The following MAGEA11 variants were observed in gnomAD, a reference collection of about 807,000 sequenced individuals.
MAGEA11 encodes melanoma-associated antigen 11.
MAGEA11 carries 1 observed loss-of-function variant against 8.4 expected under a neutral mutation model. The observed-to-expected ratio is 0.12, with a 90% CI of 0.04 to 0.57. The LOEUF (loss-of-function observed/expected upper bound fraction) is 0.57. Ranked by LOEUF, MAGEA11 falls within the 20% of genes least tolerant of loss-of-function variation. The pLI is 0.91. For missense variants in MAGEA11, 209 were observed against 317.3 expected (o/e 0.66, Z 2.59); for synonymous variants, 127 against 119.3 (o/e 1.06, Z -0.42).
At chrX:149,695,976 C>G (rs1348518922) in intron 1 of MAGEA11, among the ~76,000 whole-genome samples, 1 of 111,169 alleles carries the variant, frequency 9.0e-6, no homozygotes, top group Non-Finnish European at 1.9e-5. Context: ...GAGGCAGAGG[C>G]ACAAAGAAGA....
chrX:149,710,407 A>G (rs1007422230), upstream of MAGEA11, among the ~76,000 whole-genome samples: 1 of 111,902 alleles, frequency 8.9e-6, no homozygotes, highest in Non-Finnish European at 1.9e-5. Flanking sequence ...ACCAGCCAAG[A>G]TGACTGTCAA....
At chrX:149,694,736 A>G (rs1479560747) in intron 1 of MAGEA11, among the ~76,000 whole-genome samples, 5 of 99,731 alleles carry the variant, frequency 5.0e-5, no homozygotes, top group African/African-American at 1.9e-4. Context: ...TTTTAATTTT[A>G]TTTCGACAAA....
chrX:149,706,849 G>C (rs1213141235), intron 1 of MAGEA11, among the ~76,000 whole-genome samples: 1 of 112,109 alleles, frequency 8.9e-6, no homozygotes, highest in Non-Finnish European at 1.9e-5. Flanking sequence ...TAGGCTGTTA[G>C]ATTCCACCTT....
rs1557362406 is a variant in MAGEA11, at chrX:149,715,814, A to G, written c.328A>G (p.Ile110Val). The change falls in exon 5 of 5, where the codon ATC becomes GTC. Residue 110 changes from isoleucine (I) to valine (V), a missense_variant. This residue lies in a region of MAGEA11 where 131 missense variants were observed against 138.5 expected (regional missense o/e 0.95). Coordinates refer to ENST00000355220, the MANE Select transcript of MAGEA11 (RefSeq NM_005366.5). ...TVRPADLTRV[I>V]MPLEQRSQHC... ...TCGGCCTGCTGACCTAACCAGAGTCATCATGCCTCTTGAGCAAAGAAGTCA... is the reference window on the plus strand; with the variant it reads ...TCGGCCTGCTGACCTAACCAGAGTCGTCATGCCTCTTGAGCAAAGAAGTCA... The G allele has an allele frequency of 2.5e-6, 3 of 1,209,167 alleles. No homozygotes were observed. The highest frequency in any genetic ancestry group is 1.7e-5 in the African/African-American group (1 of 57,679).
At chrX:149,714,263 G>T in intron 2 of MAGEA11, 1 of 490,486 alleles carries the variant, frequency 2.0e-6, no homozygotes. Context: ...AAACCTTCAG[G>T]GAGATGAGGT....
upstream of MAGEA11, among the ~76,000 whole-genome samples, chrX:149,710,308 A>G (rs182747187): frequency 4.4e-5 from 5 of 112,589 alleles, no homozygotes; most frequent in East Asian, 8.3e-4. Flanking sequence ...CCAAATAAAC[A>G]AGGCAGTATA....
intron 1 of MAGEA11, among the ~76,000 whole-genome samples, chrX:149,691,741 G>T (rs2090311377): frequency 8.9e-6 from 1 of 111,980 alleles, no homozygotes; most frequent in Non-Finnish European, 1.9e-5. Flanking sequence ...ATTTTGTTCT[G>T]CAAATTTTAG....
intron 1 of MAGEA11, among the ~76,000 whole-genome samples, chrX:149,702,793 T>A (rs781858006): frequency 1.3e-4 from 15 of 111,934 alleles, no homozygotes; most frequent in African/African-American, 4.9e-4. Context: ...AAATATATGT[T>A]TTTCTAGTCT....
chrX:149,689,696 A>C (rs2124273972), intron 1 of MAGEA11, among the ~76,000 whole-genome samples: 1 of 112,407 alleles, frequency 8.9e-6, no homozygotes, highest in South Asian at 3.7e-4. Context: ...GCACAGGCAC[A>C]TATCTATGTG....
chrX:149,690,462 G>T (rs782797644), intron 1 of MAGEA11, among the ~76,000 whole-genome samples: 1 of 112,016 alleles, frequency 8.9e-6, no homozygotes, highest in East Asian at 2.8e-4. Context: ...TGTGCAATGA[G>T]GAAAACAGTC....
chrX:149,706,527 T>C (rs996485354), intron 1 of MAGEA11, among the ~76,000 whole-genome samples: 1 of 112,808 alleles, frequency 8.9e-6, no homozygotes, highest in African/African-American at 3.2e-5. Flanking sequence ...TCACACAGCA[T>C]TCTTTTATTA....
At chrX:149,690,002 G>C (rs1182151649) in intron 1 of MAGEA11, among the ~76,000 whole-genome samples, 1 of 112,215 alleles carries the variant, frequency 8.9e-6, no homozygotes, top group African/African-American at 3.2e-5. Context: ...CCCAATCTCT[G>C]TCTCTAACCT....
At chrX:149,691,270 T>C (rs1045640354) in intron 1 of MAGEA11, among the ~76,000 whole-genome samples, 3 of 111,431 alleles carry the variant, frequency 2.7e-5, no homozygotes, top group African/African-American at 9.8e-5. Flanking sequence ...CCCCTCTGCT[T>C]TGTGGTTCTC....
At chrX:149,699,195 A>C (rs782815978) in intron 1 of MAGEA11, among the ~76,000 whole-genome samples, 10 of 112,044 alleles carry the variant, frequency 8.9e-5, no homozygotes, top group Non-Finnish European at 1.9e-4. Flanking sequence ...ATAATATATT[A>C]TTTCGCATGT....
chrX:149,693,120 T>C (rs181919836), intron 1 of MAGEA11, among the ~76,000 whole-genome samples: 1 of 112,744 alleles, frequency 8.9e-6, no homozygotes, highest in East Asian at 2.8e-4. Context: ...TTAGGTCATT[T>C]CTGAGTCCAG....
At chrX:149,706,969 T>C (rs782561956) in intron 1 of MAGEA11, among the ~76,000 whole-genome samples, 147 of 112,788 alleles carry the variant, frequency 1.3e-3, no homozygotes, top group Non-Finnish European at 2.0e-3. Flanking sequence ...CAGATAGCCC[T>C]GGGTGGCTAG....
chrX:149,711,401 T>G (rs2090399426), upstream of MAGEA11, among the ~76,000 whole-genome samples: 1 of 111,911 alleles, frequency 8.9e-6, no homozygotes, highest in Non-Finnish European at 1.9e-5. Flanking sequence ...AGGGCAAAAG[T>G]TTGCAAAGTC....
In MAGEA11 at chrX:149,694,817, G is replaced by A. The variant is rs376689581; in HGVS notation, c.9+5833G>A. Among the ~76,000 whole-genome samples the A allele has an allele frequency of 3.0e-4, 33 of 110,335 alleles. No homozygotes were observed. In the East Asian group the frequency reaches 3.1e-3, roughly 10 times the overall value. ...GCTCATTGGAACCTCTGCCTCCCAG[G>A]TTCAAGTGATTCTCCTGCCTCAGCC... On this transcript the variant is annotated intron_variant, in intron 1 of 3. Transcript: ENST00000333104.
chrX:149,692,023 T>C (rs1557360176), intron 1 of MAGEA11, among the ~76,000 whole-genome samples: 1 of 112,432 alleles, frequency 8.9e-6, no homozygotes, highest in East Asian at 2.8e-4. Flanking sequence ...CCACAAGTGG[T>C]CCAGGGCTTC....
Sources: gnomAD v4.1 joint callset for allele counts (sites outside exome capture counted in the v4.1 genomes callset) on GRCh38, gnomAD v4.1.1 for gene constraint, gnomAD v4.1.1 regional missense constraint, MANE v1.5 for transcripts, NCBI Gene and HGNC (gene_info 2026-07-23, HGNC 2026-07-21) for gene names.